Variants in DMC1 observed in about 807,000 individuals in gnomAD.
The protein encoded by DMC1 is meiotic recombination protein DMC1 homolog.
In DMC1, 27 loss-of-function variants were observed where a neutral mutation model predicts 50.1. The observed-to-expected ratio is 0.54, with a 90% CI of 0.40 to 0.74. DMC1 has a LOEUF of 0.74. Ranked by LOEUF, DMC1 falls within the 30% of genes least tolerant of loss-of-function variation. The probability of loss-of-function intolerance (pLI) is 0.00; values close to 1 mark genes in which losing one functional copy is unlikely to be tolerated. For synonymous variants in DMC1, 148 were observed against 136.1 expected (o/e 1.09, Z -0.61); for missense variants, 295 against 420.2 (o/e 0.70, Z 2.60).
chr22:38,566,776 C>T (rs2090585412), intron 3 of DMC1, 40 bp from the exon 4 acceptor site: 1 of 1,602,320 alleles, frequency 6.2e-7, no homozygotes, highest in South Asian at 1.1e-5. Context: ...TGATAAGATG[C>T]CAGCCTGCAA....
chr22:38,562,722 A>C (rs1363648642), intron 4 of DMC1, among the ~76,000 whole-genome samples: 10 of 151,914 alleles, frequency 6.6e-5, no homozygotes, highest in Non-Finnish European at 1.2e-4. Flanking sequence ...ATATGTATAC[A>C]CACATATACA....
chr22:38,539,299 T>A, intron 9 of DMC1, 22 bp downstream of exon 9: 1 of 1,560,656 alleles, frequency 6.4e-7, no homozygotes, highest in South Asian at 1.1e-5. Flanking sequence ...GACCCAAGCA[T>A]CCAACTGCAT....
At chr22:38,529,231 G>C (rs2090129491) in intron 12 of DMC1, among the ~76,000 whole-genome samples, 1 of 151,996 alleles carries the variant, frequency 6.6e-6, no homozygotes, top group African/African-American at 2.4e-5. Flanking sequence ...GGCTTGTCTT[G>C]AACTCCTGAC....
chr22:38,556,705 C>CA (rs2145970839), intron 5 of DMC1, among the ~76,000 whole-genome samples: 1 of 152,212 alleles, frequency 6.6e-6, no homozygotes, highest in East Asian at 1.9e-4. Context: ...TGTGCTAAGA[C>CA]CTGGTAGGGG....
chr22:38,525,134 C>T (rs2090074021), intron 12 of DMC1, among the ~76,000 whole-genome samples: 1 of 152,062 alleles, frequency 6.6e-6, no homozygotes, highest in Admixed American at 6.6e-5. Context: ...GTCTTATTCC[C>T]CAACTATACT....
Position 38,519,959 on chromosome 22 carries a change from T to C in DMC1, c.*61A>G. On this transcript the variant is annotated 3_prime_UTR_variant, in exon 14 of 14. Transcript: ENST00000216024. ...TATTTCAAGATGTGAAATTGGAGAC[T>C]GCTTTTCCATTTCTTCAGCTCCTAA... is the stretch of plus-strand genomic sequence containing the variant. 1 of 1,380,318 alleles carries C rather than the reference T, an allele frequency of 7.2e-7. No homozygotes were observed. The highest frequency in any genetic ancestry group is 1.8e-4 in the Middle Eastern group (1 of 5,584). 85.5% of individuals were successfully genotyped at this position (1,380,318 alleles called of 1,614,324 possible).
At chr22:38,520,499 AGGT>A (rs2090012804) in intron 13 of DMC1, among the ~76,000 whole-genome samples, 1 of 152,030 alleles carries the variant, frequency 6.6e-6, no homozygotes, top group East Asian at 1.9e-4. Context: ...CTGGGATTAC[AGGT>A]GCCTGCCACC....
At chr22:38,531,710 C>A (rs1261776286) in intron 12 of DMC1, among the ~76,000 whole-genome samples, 2 of 152,194 alleles carry the variant, frequency 1.3e-5, no homozygotes, top group African/African-American at 4.8e-5. Context: ...TGTTTCCTAA[C>A]AATTCAGCTA....
Position 38,538,620 on chromosome 22 carries a change from G to C in DMC1, c.587-8C>G. ...GCTCCATCTGATGTTCACCTGATGGGAAATGCAGTGAGAAAATGTTATAAA... is the reference window on the plus strand; with the variant it reads ...GCTCCATCTGATGTTCACCTGATGGCAAATGCAGTGAGAAAATGTTATAAA... On this transcript the variant is annotated splice_region_variant and splice_polypyrimidine_tract_variant and intron_variant, in intron 9 of 13. Coordinates refer to ENST00000216024, the MANE Select transcript of DMC1 (RefSeq NM_007068.4). 6.2e-7 allele frequency: 1 copy of C among 1,608,264 alleles called. No homozygotes were observed. Among genetic ancestry groups the C allele is most frequent in the East Asian group, 2.2e-5 (1 of 44,842 alleles).
At chr22:38,530,116 C>A (rs1169709487) in intron 12 of DMC1, among the ~76,000 whole-genome samples, 1 of 151,864 alleles carries the variant, frequency 6.6e-6, no homozygotes, top group Non-Finnish European at 1.5e-5. Flanking sequence ...ACAGGAACCC[C>A]CCACCACACC....
chr22:38,542,569 A>T (rs887625184), intron 8 of DMC1, among the ~76,000 whole-genome samples: 1 of 152,202 alleles, frequency 6.6e-6, no homozygotes, highest in African/African-American at 2.4e-5. Flanking sequence ...CACAAAAAAC[A>T]GAAAGATATT....
intron 5 of DMC1, among the ~76,000 whole-genome samples, chr22:38,555,995 C>T (rs1057255796): frequency 1.2e-4 from 18 of 151,926 alleles, no homozygotes; most frequent in African/African-American, 4.4e-4. Context: ...CCACGCCAGG[C>T]TAATTTTTGT....
intron 4 of DMC1, among the ~76,000 whole-genome samples, chr22:38,565,059 G>T (rs1362026636): frequency 6.6e-6 from 1 of 152,216 alleles, no homozygotes; most frequent in African/African-American, 2.4e-5. Flanking sequence ...TAGAGAAATG[G>T]AGAGGCCTGC....
chr22:38,553,519 A>G (rs1410270229), intron 6 of DMC1, among the ~76,000 whole-genome samples: 1 of 148,686 alleles, frequency 6.7e-6, no homozygotes, highest in East Asian at 2.0e-4. Context: ...AAAAAAAAGA[A>G]AGTTTAAGAC....
intron 12 of DMC1, among the ~76,000 whole-genome samples, chr22:38,535,607 CTT>C: frequency 7.0e-6 from 1 of 143,552 alleles, no homozygotes; most frequent in Non-Finnish European, 1.5e-5. Flanking sequence ...TTAAAAAAAT[CTT>C]TTTTTTTTTT....
At chr22:38,534,022 G>A (rs1326190322) in intron 12 of DMC1, among the ~76,000 whole-genome samples, 1 of 152,124 alleles carries the variant, frequency 6.6e-6, no homozygotes, top group East Asian at 1.9e-4. Flanking sequence ...CAAAACAGTT[G>A]GTCTGTGTTC....
At chr22:38,513,410 T>C in the DMC1 span, among the ~76,000 whole-genome samples, 3 of 152,166 alleles carry the variant, frequency 2.0e-5, no homozygotes, top group Non-Finnish European at 4.4e-5. Flanking sequence ...GATGGAGAAA[T>C]GCAAACTGTG....
chr22:38,514,079 G>A (rs1602699865), downstream of DMC1, among the ~76,000 whole-genome samples: 2 of 152,204 alleles, frequency 1.3e-5, no homozygotes, highest in East Asian at 3.9e-4. Flanking sequence ...TGTGGCTGAA[G>A]TCAGCTCTTC....
At chr22:38,565,875 A>G (rs1200510303) in intron 4 of DMC1, among the ~76,000 whole-genome samples, 1 of 152,124 alleles carries the variant, frequency 6.6e-6, no homozygotes, top group Admixed American at 6.6e-5. Context: ...CTATATATCA[A>G]TCTCCTATAC....
Sources: allele counts gnomAD v4.1 joint callset (sites outside exome capture counted in the v4.1 genomes callset), GRCh38; gene constraint gnomAD v4.1.1; transcripts MANE v1.5; gene names NCBI Gene and HGNC (gene_info 2026-07-23, HGNC 2026-07-21).